ATP10B: variants seen among roughly 807,000 people sequenced by gnomAD.
The protein encoded by ATP10B is phospholipid-transporting ATPase VB.
In ATP10B, 122 loss-of-function variants were observed where a neutral mutation model predicts 141.2. The observed-to-expected ratio is 0.86, with a 90% CI of 0.75 to 1.00. ATP10B has a LOEUF of 1.00. ATP10B is among the 50% of genes least tolerant of loss of function. ATP10B has a pLI of 0.00. For synonymous variants in ATP10B, 685 were observed against 692.0 expected, an observed-to-expected ratio of 0.99 and a Z score of 0.16; for missense variants, 1,876 against 1,825.3, an observed-to-expected ratio of 1.03 and a Z score of -0.51.
chr5:160,918,123 C>T, the ATP10B span, among the ~76,000 whole-genome samples: 1 of 152,200 alleles, frequency 6.6e-6, no homozygotes, highest in Non-Finnish European at 1.5e-5. Flanking sequence ...TGCAGATGAT[C>T]AAGCAGTCAT....
intron 1 of ATP10B, among the ~76,000 whole-genome samples, chr5:160,839,655 A>G (rs1393260480): frequency 6.6e-6 from 1 of 152,144 alleles, no homozygotes; most frequent in Non-Finnish European, 1.5e-5. Context: ...AACACAAATG[A>G]GTTTAACTCA....
At chr5:160,788,374 G>A (rs563815957) in intron 1 of ATP10B, among the ~76,000 whole-genome samples, 8 of 152,328 alleles carry the variant, frequency 5.3e-5, no homozygotes, top group Admixed American at 4.6e-4. Context: ...TTTGAAAGTA[G>A]AAATATTCTT....
intron 1 of ATP10B, among the ~76,000 whole-genome samples, chr5:160,803,642 C>T (rs1379213666): frequency 1.3e-5 from 2 of 152,148 alleles, no homozygotes; most frequent in Non-Finnish European, 2.9e-5. Flanking sequence ...TACCACTGTA[C>T]TCCAGCCTGG....
At chr5:160,712,746 C>G (rs2127772794) in intron 3 of ATP10B, among the ~76,000 whole-genome samples, 1 of 26,296 alleles carries the variant, frequency 3.8e-5, no homozygotes, top group East Asian at 1.3e-3. Context: ...CTCTTGTAGG[C>G]ATTTAGTGCT....
the ATP10B span, among the ~76,000 whole-genome samples, chr5:160,892,469 T>G: frequency 4.6e-5 from 7 of 152,224 alleles, no homozygotes; most frequent in African/African-American, 1.7e-4. Flanking sequence ...AAACAGATAA[T>G]TTTTGGGGGC....
intron 7 of ATP10B, among the ~76,000 whole-genome samples, chr5:160,666,380 A>G (rs1333225745): frequency 6.6e-6 from 1 of 152,220 alleles, no homozygotes; most frequent in Non-Finnish European, 1.5e-5. Flanking sequence ...CCTGTAATAT[A>G]CTTGCAGCAA....
rs1453903537 is a variant in ATP10B at position 160,563,755 on chromosome 5, T to C, written c.*1698A>G. Reference sequence around the variant, plus strand: ...TCTGGCTTTTAGTAGTAGCCAGAAATTGGGGGAAAAATTGAGGTACCTGAG... The same window carrying C: ...TCTGGCTTTTAGTAGTAGCCAGAAACTGGGGGAAAAATTGAGGTACCTGAG... On this transcript the variant is annotated 3_prime_UTR_variant, in exon 26 of 26. Transcript: ENST00000327245. 6.6e-6 allele frequency: 1 copy of C among 152,030 alleles called. No homozygotes were observed. Among genetic ancestry groups the C allele is most frequent in the Admixed American group, 6.6e-5 (1 of 15,260 alleles). 9.4% of individuals were successfully genotyped at this position (152,030 alleles called of 1,614,324 possible).
intron 24 of ATP10B, among the ~76,000 whole-genome samples, chr5:160,586,826 G>A (rs914518403): frequency 1.3e-5 from 2 of 151,850 alleles, no homozygotes; most frequent in Non-Finnish European, 2.9e-5. Flanking sequence ...TGTTTTTCTT[G>A]TAAATTTGTG....
chr5:160,856,171 C>A (rs182133226), upstream of ATP10B, among the ~76,000 whole-genome samples: 2 of 151,924 alleles, frequency 1.3e-5, no homozygotes, highest in African/African-American at 4.8e-5. Context: ...GAAAAATGGA[C>A]ATCTTTACTA....
At chr5:160,759,999 G>C (rs769142910) in intron 2 of ATP10B, among the ~76,000 whole-genome samples, 1 of 152,188 alleles carries the variant, frequency 6.6e-6, no homozygotes, top group Non-Finnish European at 1.5e-5. Flanking sequence ...CATGCTTACA[G>C]GGTCTTGGAC....
chr5:160,793,526 T>G (rs1021306243), intron 1 of ATP10B, among the ~76,000 whole-genome samples: 6 of 152,234 alleles, frequency 3.9e-5, no homozygotes, highest in Non-Finnish European at 5.9e-5. Flanking sequence ...CAACAATGGA[T>G]CGTGTATGCG....
chr5:160,894,740 A>T, the ATP10B span, among the ~76,000 whole-genome samples: 1 of 152,282 alleles, frequency 6.6e-6, no homozygotes, highest in Admixed American at 6.5e-5. Context: ...CAACCCCAAG[A>T]TGCATAATCG....
At chr5:160,627,313 C>G (rs1032073351) in intron 13 of ATP10B, among the ~76,000 whole-genome samples, 2 of 152,286 alleles carry the variant, frequency 1.3e-5, no homozygotes, top group East Asian at 3.9e-4. Context: ...CACTGGTGCT[C>G]CTTTTGCCCC....
intron 1 of ATP10B, among the ~76,000 whole-genome samples, chr5:160,840,542 T>A (rs2127986088): frequency 6.6e-6 from 1 of 152,220 alleles, no homozygotes; most frequent in Non-Finnish European, 1.5e-5. Flanking sequence ...CTTCATATCA[T>A]ATATAGGAAA....
intron 1 of ATP10B, among the ~76,000 whole-genome samples, chr5:160,802,831 T>C (rs1279802136): frequency 6.6e-6 from 1 of 152,234 alleles, no homozygotes; most frequent in East Asian, 1.9e-4. Flanking sequence ...TGCTTTTGTC[T>C]GGCTTCTTCT....
In ATP10B at chr5:160,583,603, T is replaced by C. The variant is rs189678270; in HGVS notation, c.3750+5989A>G. ...CTTCAGAGCTGGCCGTCAGGAACGT[T>C]TAAGTCTGCTGAAGCTGTGCCTACA... On this transcript the variant is annotated intron_variant, in intron 24 of 25. Coordinates refer to ENST00000327245, the MANE Select transcript of ATP10B (RefSeq NM_025153.3). 1.3e-5 allele frequency among the ~76,000 whole-genome samples: 2 copies of C among 152,290 alleles called. 1 individual carries two copies. Among genetic ancestry groups the C allele is most frequent in the Admixed American group, 1.3e-4 (2 of 15,292 alleles).
chr5:160,669,968 G>A (rs999525201), intron 7 of ATP10B, among the ~76,000 whole-genome samples: 1 of 137,468 alleles, frequency 7.3e-6, no homozygotes, highest in African/African-American at 2.7e-5. Flanking sequence ...GGAGGCTTAA[G>A]CACTGTTGAG....
chr5:160,621,610 C>T (rs1308660802), intron 14 of ATP10B, among the ~76,000 whole-genome samples: 1 of 152,200 alleles, frequency 6.6e-6, no homozygotes, highest in Non-Finnish European at 1.5e-5. Flanking sequence ...AAGTGATTTT[C>T]AGGGTGGTTT....
the ATP10B span, among the ~76,000 whole-genome samples, chr5:160,900,800 T>TTTGC: frequency 0.46 from 69,330 of 151,176 alleles, 16,918 homozygotes; most frequent in Non-Finnish European, 0.54. Context: ...ACATTTTTTT[T>TTTGC]TTATTTGTGG....
Sources: gnomAD v4.1 joint callset for allele counts (sites outside exome capture counted in the v4.1 genomes callset) on GRCh38, gnomAD v4.1.1 for gene constraint, MANE v1.5 for transcripts, NCBI Gene and HGNC (gene_info 2026-07-23, HGNC 2026-07-21) for gene names.